PCDHGB1: variants seen among roughly 807,000 people sequenced by gnomAD.
PCDHGB1 encodes protocadherin gamma subfamily B, 1.
A neutral mutation model predicts 56.6 loss-of-function variants in PCDHGB1; 34 were observed. The observed-to-expected ratio is 0.60, with a 90% CI of 0.46 to 0.80. PCDHGB1 has a LOEUF of 0.80. PCDHGB1 is among the 30% of genes least tolerant of loss of function. PCDHGB1 has a pLI of 0.00. For synonymous variants in PCDHGB1, 561 were observed against 505.9 expected (o/e 1.11, Z -1.46); for missense variants, 1,278 against 1,204.6 (o/e 1.06, Z -0.90).
intron 1 of PCDHGB1, among the ~76,000 whole-genome samples, chr5:141,353,056 T>C (rs1759173544): frequency 6.6e-6 from 1 of 152,188 alleles, no homozygotes; most frequent in South Asian, 2.1e-4. Flanking sequence ...TTTGATTTTC[T>C]TTCATTGTTC....
intron 1 of PCDHGB1, among the ~76,000 whole-genome samples, chr5:141,460,117 T>G (rs1454761302): frequency 6.6e-6 from 1 of 151,982 alleles, no homozygotes; most frequent in Non-Finnish European, 1.5e-5. Context: ...ATGATTTTTA[T>G]ATATGTAATA....
chr5:141,353,526 A>G (rs1471776708), intron 1 of PCDHGB1, among the ~76,000 whole-genome samples: 1 of 152,194 alleles, frequency 6.6e-6, no homozygotes, highest in Non-Finnish European at 1.5e-5. Context: ...CCAATTTTAT[A>G]TTTGCATCAC....
intron 1 of PCDHGB1, chr5:141,374,947 C>G (rs768274787): frequency 6.2e-7 from 1 of 1,613,900 alleles, no homozygotes; most frequent in African/African-American, 1.3e-5. Context: ...CAGAAAAGAT[C>G]TCACAAATTT....
At chr5:141,368,326 T>C (rs1444418576) in intron 1 of PCDHGB1, among the ~76,000 whole-genome samples, 2 of 152,122 alleles carry the variant, frequency 1.3e-5, no homozygotes, top group Non-Finnish European at 2.9e-5. Context: ...TTCAAGTATA[T>C]CTATATCTAT....
intron 1 of PCDHGB1, among the ~76,000 whole-genome samples, chr5:141,464,557 C>A (rs1342964264): frequency 6.6e-6 from 1 of 152,132 alleles, no homozygotes; most frequent in Non-Finnish European, 1.5e-5. Context: ...CCCCATCTTG[C>A]ATTCCTACAA....
At chr5:141,383,464 A>C (rs368298668) in intron 1 of PCDHGB1, 99 of 1,613,728 alleles carry the variant, frequency 6.1e-5, no homozygotes, top group Non-Finnish European at 8.2e-5. Context: ...AGACGATGAA[A>C]CTAAGTACCC....
intron 1 of PCDHGB1, among the ~76,000 whole-genome samples, chr5:141,462,493 A>G (rs1432919197): frequency 2.0e-5 from 3 of 152,144 alleles, no homozygotes; most frequent in South Asian, 4.1e-4. Context: ...GTTGTATCCT[A>G]TAATTGTCAA....
intron 1 of PCDHGB1, among the ~76,000 whole-genome samples, chr5:141,445,180 GT>G (rs745433969): frequency 6.6e-6 from 1 of 152,148 alleles, no homozygotes; most frequent in Non-Finnish European, 1.5e-5. Flanking sequence ...GAAAAACTAT[GT>G]TTTTATGTAT....
rs746088761 is a variant in PCDHGB1 at position 141,404,246 on chromosome 5, CT to C, written c.2409+51578del. 9.3e-6 allele frequency: 15 copies of C among 1,613,922 alleles called. 1 individual carries two copies. The highest frequency in any genetic ancestry group is 5.0e-5 in the Admixed American group (3 of 60,012). Reference sequence around the variant, plus strand: ...TGCAACAGACAGAGGAACTCCGCCCCTGTCCACAGAAATTCACATCACCCTG... The same window carrying C: ...TGCAACAGACAGAGGAACTCCGCCCCGTCCACAGAAATTCACATCACCCTG... On this transcript the variant is annotated intron_variant, in intron 1 of 3. Coordinates refer to ENST00000523390, the MANE Select transcript of PCDHGB1 (RefSeq NM_018922.3).
chr5:141,366,623 AAG>A (rs1440567853), intron 1 of PCDHGB1: 2 of 1,614,242 alleles, frequency 1.2e-6, no homozygotes, highest in East Asian at 2.2e-5. Flanking sequence ...GGACTCGAGG[AAG>A]AGTCACCTGA....
At position 141,512,750 on chromosome 5, in the gene PCDHGB1, G is replaced by C. The variant is rs538475261; in HGVS notation, c.*1577G>C. The C allele has an allele frequency of 2.6e-5, 4 of 152,894 alleles. No homozygotes were observed. The highest frequency in any genetic ancestry group is 4.4e-5 in the Non-Finnish European group (3 of 68,656). 9.5% of individuals were successfully genotyped at this position (152,894 alleles called of 1,614,324 possible). ...AGCGGGCGGCGGGCTCCGCGCAGCC[G>C]TCTGTCCTTGATCTGCCCGCGGCGG... On this transcript the variant is annotated 3_prime_UTR_variant, in exon 4 of 4. Coordinates refer to ENST00000523390, the MANE Select transcript of PCDHGB1 (RefSeq NM_018922.3).
intron 1 of PCDHGB1, chr5:141,372,770 C>A (rs776185691): frequency 6.2e-7 from 1 of 1,611,252 alleles, no homozygotes; most frequent in Non-Finnish European, 8.5e-7. Context: ...AAAGTAATGA[C>A]AATCCAGAAA....
chr5:141,409,735 C>G lies in PCDHGB1; in HGVS notation c.2409+57066C>G, dbSNP rs763035733. Reference sequence around the variant, plus strand: ...CATACGTGTCAGTGAGCGCGCAGAGCGGGGTGGTGTTCGCGCAGCGCGCCT... The same window carrying G: ...CATACGTGTCAGTGAGCGCGCAGAGGGGGGTGGTGTTCGCGCAGCGCGCCT... On this transcript the variant is annotated intron_variant, in intron 1 of 3. Transcript: ENST00000523390. The G allele has an allele frequency of 3.7e-6, 6 of 1,613,006 alleles. No homozygotes were observed. The African/African-American group carries it at 8.0e-5, about 22-fold the overall frequency.
chr5:141,360,445 C>T (rs1253448702), intron 1 of PCDHGB1: 5 of 1,613,934 alleles, frequency 3.1e-6, no homozygotes, highest in Non-Finnish European at 3.4e-6. Flanking sequence ...TCTGTGTGTT[C>T]TGGATTTCGA....
intron 1 of PCDHGB1, among the ~76,000 whole-genome samples, chr5:141,457,444 G>T (rs1253183319): frequency 6.6e-6 from 1 of 152,134 alleles, no homozygotes; most frequent in African/African-American, 2.4e-5. Context: ...AGCTGCAGAA[G>T]ATCACCACTT....
At chr5:141,500,667 TC>T (rs1032555959) in intron 2 of PCDHGB1, among the ~76,000 whole-genome samples, 26 of 152,194 alleles carry the variant, frequency 1.7e-4, no homozygotes, top group African/African-American at 6.0e-4. Flanking sequence ...GGCCATACTG[TC>T]CAACAGAATT....
intron 1 of PCDHGB1, chr5:141,375,886 C>A: frequency 1.2e-6 from 2 of 1,613,822 alleles, no homozygotes; most frequent in South Asian, 2.2e-5. Flanking sequence ...CGGGCCAGAA[C>A]GCCTGGCTGT....
At position 141,512,815 on chromosome 5, in the gene PCDHGB1, A is replaced by AC. The variant is rs1215322144; in HGVS notation, c.*1647dup. ...TGTGCTGTGTCCACGCGCTAAGGCG[A>AC]CCCCCTCCCCCGTACTGACTTCTCC... is the stretch of plus-strand genomic sequence containing the variant. On this transcript the variant is annotated 3_prime_UTR_variant, in exon 4 of 4. Coordinates refer to ENST00000523390, the MANE Select transcript of PCDHGB1 (RefSeq NM_018922.3). The AC allele has an allele frequency of 6.7e-6, 1 of 149,682 alleles. No homozygotes were observed. The highest frequency in any genetic ancestry group is 1.5e-5 in the Non-Finnish European group (1 of 67,474). 9.3% of individuals were successfully genotyped at this position (149,682 alleles called of 1,614,324 possible).
At chr5:141,433,397 A>G (rs189987785) in intron 1 of PCDHGB1, among the ~76,000 whole-genome samples, 270 of 150,524 alleles carry the variant, frequency 1.8e-3, no homozygotes, top group Non-Finnish European at 3.1e-3. Context: ...CTATCTATCT[A>G]TCTATCTATT....
Sources: gnomAD v4.1 joint callset for allele counts (sites outside exome capture counted in the v4.1 genomes callset) on GRCh38, gnomAD v4.1.1 for gene constraint, MANE v1.5 for transcripts, NCBI Gene and HGNC (gene_info 2026-07-23, HGNC 2026-07-21) for gene names.